Variants in FIG4 observed in about 807,000 individuals in gnomAD.
FIG4 encodes polyphosphoinositide phosphatase.
Under a neutral mutation model 118.6 loss-of-function variants are expected in FIG4, and 112 were observed. The observed-to-expected ratio is 0.94, with a 90% CI of 0.81 to 1.11. The LOEUF is 1.11. FIG4 is among the 50% of genes least tolerant of loss of function. The pLI is 0.00. For synonymous variants in FIG4, 369 were observed against 381.2 expected, an observed-to-expected ratio of 0.97 and a Z score of 0.37; for missense variants, 969 against 1,111.7, an observed-to-expected ratio of 0.87 and a Z score of 1.83.
chr6:109,810,886 GA>G (rs1203488213), intron 22 of FIG4, among the ~76,000 whole-genome samples: 1 of 152,188 alleles, frequency 6.6e-6, no homozygotes, highest in Non-Finnish European at 1.5e-5. Flanking sequence ...CTCAGTATCA[GA>G]AAGAGTATGA....
At chr6:109,745,377 T>C (rs992129220) in intron 10 of FIG4, among the ~76,000 whole-genome samples, 1 of 152,234 alleles carries the variant, frequency 6.6e-6, no homozygotes, top group Non-Finnish European at 1.5e-5. Flanking sequence ...TTGATTTGCA[T>C]TTTTCTAATG....
At chr6:109,819,658 G>A (rs1424856122) in intron 22 of FIG4, among the ~76,000 whole-genome samples, 12 of 151,886 alleles carry the variant, frequency 7.9e-5, no homozygotes, top group Non-Finnish European at 1.0e-4. Flanking sequence ...TAGTAGAAAC[G>A]GGGTTTCACC....
intron 16 of FIG4, among the ~76,000 whole-genome samples, 155 bp downstream of exon 16, chr6:109,777,215 A>G (rs1178290995): frequency 6.6e-6 from 1 of 152,030 alleles, no homozygotes; most frequent in Admixed American, 6.6e-5. Context: ...GTAGGTGTAT[A>G]TTTTTATGGG....
chr6:109,708,328 A>G (rs533802139), intron 1 of FIG4, among the ~76,000 whole-genome samples: 10 of 152,304 alleles, frequency 6.6e-5, no homozygotes, highest in Admixed American at 2.0e-4. Flanking sequence ...ATAGTATTCC[A>G]TGGTATATAT....
intron 22 of FIG4, among the ~76,000 whole-genome samples, chr6:109,816,262 GA>G (rs1203760697): frequency 6.6e-6 from 1 of 152,146 alleles, no homozygotes; most frequent in Admixed American, 6.5e-5. Context: ...TCTTGTTTTG[GA>G]GGCTCATGAT....
intron 1 of FIG4, 65 bp downstream of exon 1, chr6:109,691,566 G>A (rs1774413086): frequency 7.4e-7 from 1 of 1,355,726 alleles, no homozygotes; most frequent in Non-Finnish European, 1.0e-6. Flanking sequence ...GTGTGGGGCC[G>A]TAGGACAGAG....
At chr6:109,822,975 A>C (rs1033779001) in intron 22 of FIG4, among the ~76,000 whole-genome samples, 2 of 151,726 alleles carry the variant, frequency 1.3e-5, no homozygotes, top group African/African-American at 4.8e-5. Context: ...TAATCTAGTG[A>C]ATCTGATGAC....
Position 109,740,506 on chromosome 6 carries a change from A to G in FIG4, c.776-938A>G, listed in dbSNP as rs187586513. ...TTACTTTACTGTTACTCCATTTTAT[A>G]GAAGATGAGACTTGGCTCAGAAAGT... On this transcript the variant is annotated intron_variant, in intron 7 of 22. Transcript: ENST00000230124. Among the ~76,000 whole-genome samples the G allele has an allele frequency of 3.4e-3, 520 of 152,260 alleles. 3 individuals are homozygous for G. Among genetic ancestry groups the G allele is most frequent in the African/African-American group, 0.012 (507 of 41,556 alleles).
chr6:109,713,225 C>T (rs117097722), intron 1 of FIG4, among the ~76,000 whole-genome samples: 6,448 of 152,214 alleles, frequency 0.042, 175 homozygotes, highest in South Asian at 0.088. Flanking sequence ...CCAGTGGCAG[C>T]GAAAGCATGG....
At chr6:109,758,859 T>C (rs961773683) in intron 10 of FIG4, among the ~76,000 whole-genome samples, 2 of 152,194 alleles carry the variant, frequency 1.3e-5, no homozygotes, top group East Asian at 3.8e-4. Flanking sequence ...AAAAGGCTCA[T>C]CATCACTGGT....
At chr6:109,821,772 T>TA (rs1562702318) in intron 22 of FIG4, among the ~76,000 whole-genome samples, 1 of 152,274 alleles carries the variant, frequency 6.6e-6, no homozygotes, top group African/African-American at 2.4e-5. Flanking sequence ...ACAGCGCATA[T>TA]AAAGGGCAGA....
intron 1 of FIG4, among the ~76,000 whole-genome samples, chr6:109,708,790 G>C (rs1451598501): frequency 6.6e-6 from 1 of 151,932 alleles, no homozygotes; most frequent in Non-Finnish European, 1.5e-5. Context: ...GTCTGTTCAT[G>C]TCCTTTGCCC....
At chr6:109,713,207 C>T (rs991126265) in intron 1 of FIG4, among the ~76,000 whole-genome samples, 9 of 152,186 alleles carry the variant, frequency 5.9e-5, no homozygotes, top group African/African-American at 1.9e-4. Context: ...TGTCCTCATT[C>T]GCATGTGCCA....
At chr6:109,770,069 G>A (rs1777412681) in intron 15 of FIG4, among the ~76,000 whole-genome samples, 2 of 152,126 alleles carry the variant, frequency 1.3e-5, no homozygotes, top group South Asian at 4.1e-4. Context: ...GGCTTCACAT[G>A]CTAGCATGCA....
intron 9 of FIG4, 190 bp downstream of exon 9, chr6:109,743,462 T>G (rs1776387401): frequency 3.0e-6 from 2 of 661,938 alleles, no homozygotes; most frequent in East Asian, 2.7e-5. Context: ...GTTAAATAAA[T>G]TATTTTTATT....
Position 109,743,105 on chromosome 6 carries a change from T to C in FIG4, c.877-5T>C. 6.2e-7 allele frequency: 1 copy of C among 1,611,390 alleles called. No homozygotes were observed. Among genetic ancestry groups the C allele is most frequent in the Non-Finnish European group, 8.5e-7 (1 of 1,177,970 alleles). On this transcript the variant is annotated splice_region_variant and splice_polypyrimidine_tract_variant and intron_variant, in intron 8 of 22. Coordinates refer to ENST00000230124, the MANE Select transcript of FIG4 (RefSeq NM_014845.6). The stretch of plus-strand genomic sequence containing the variant: ...AAATATTTTTCAATGCACCTTTCTT[T>C]TCAGGGTGATGTTGCAAATGAAGTG...
At chr6:109,818,806 A>G (rs1778930130) in intron 22 of FIG4, among the ~76,000 whole-genome samples, 3 of 152,190 alleles carry the variant, frequency 2.0e-5, no homozygotes, top group South Asian at 2.1e-4. Context: ...GCTGCTTTCC[A>G]TATGACCCAG....
intron 10 of FIG4, among the ~76,000 whole-genome samples, chr6:109,752,190 A>G (rs1178490273): frequency 1.3e-5 from 2 of 151,946 alleles, no homozygotes; most frequent in East Asian, 3.9e-4. Flanking sequence ...ATGGCTGCAT[A>G]GTATTCCATG....
At position 109,743,699 on chromosome 6, in the gene FIG4, A is replaced by G. The variant is rs772356514; in HGVS notation, c.1064A>G (p.His355Arg). Residue 355 changes from histidine (H) to arginine (R), a missense_variant, in exon 10 of 23, where the codon CAT becomes CGT. Physicochemically the swap from His to Arg is conservative, Grantham distance 29 (BLOSUM62 0). Around this residue, in one of 3 missense-constraint regions of FIG4, gnomAD observed 246 missense variants for 354.3 expected, o/e 0.69. Coordinates refer to ENST00000230124, the MANE Select transcript of FIG4 (RefSeq NM_014845.6). ...ITLDQADPFA[H>R]VAALHFDQMF... Reference sequence around the variant, plus strand: ...GTGGATCAGGCAGATCCATTTGCACATGTGGCTGCCCTTCACTTTGACCAG... The same window carrying G: ...GTGGATCAGGCAGATCCATTTGCACGTGTGGCTGCCCTTCACTTTGACCAG... 6 of 1,612,768 alleles carry G rather than the reference A, an allele frequency of 3.7e-6. No individual in the cohort carries two copies. Among genetic ancestry groups the G allele is most frequent in the East Asian group, 2.2e-5 (1 of 44,866 alleles).
Sources: allele counts gnomAD v4.1 joint callset (sites outside exome capture counted in the v4.1 genomes callset), GRCh38; gene constraint gnomAD v4.1.1; regional missense constraint gnomAD v4.1.1; transcripts MANE v1.5; gene names NCBI Gene and HGNC (gene_info 2026-07-23, HGNC 2026-07-21).